The following RSRC1 variants were observed in gnomAD, a reference collection of about 807,000 sequenced individuals.
RSRC1 encodes the protein arginine and serine rich coiled-coil 1.
In RSRC1, 39 loss-of-function variants were observed where a neutral mutation model predicts 49.1. That is an observed-to-expected ratio of 0.79 (90% confidence interval 0.61 to 1.04). The LOEUF is 1.04. Ranked by LOEUF, RSRC1 falls within the 50% of genes least tolerant of loss-of-function variation. RSRC1 has a pLI of 0.00. For synonymous variants in RSRC1, 143 were observed against 130.8 expected, an observed-to-expected ratio of 1.09 and a Z score of -0.63; for missense variants, 388 against 402.4, an observed-to-expected ratio of 0.96 and a Z score of 0.31.
intron 4 of RSRC1, among the ~76,000 whole-genome samples, chr3:158,285,075 G>A (rs1460763294): frequency 6.6e-6 from 1 of 152,130 alleles, no homozygotes; most frequent in Non-Finnish European, 1.5e-5. Flanking sequence ...TTCGTATAAG[G>A]TGTAAGGAAG....
At chr3:158,347,166 ACTCT>A (rs1047603419) in intron 5 of RSRC1, among the ~76,000 whole-genome samples, 5 of 151,996 alleles carry the variant, frequency 3.3e-5, no homozygotes, top group African/African-American at 1.2e-4. Context: ...TGTTATTTTG[ACTCT>A]CTCTCTCTGA....
At chr3:158,426,459 C>T (rs1313606488) in intron 6 of RSRC1, among the ~76,000 whole-genome samples, 1 of 151,396 alleles carries the variant, frequency 6.6e-6, no homozygotes, top group African/African-American at 2.4e-5. Flanking sequence ...AGGAGATACA[C>T]AGCCTCTTTG....
chr3:158,354,172 G>A (rs56106526), intron 5 of RSRC1, among the ~76,000 whole-genome samples: 11,111 of 151,782 alleles, frequency 0.073, 477 homozygotes, highest in South Asian at 0.13. Context: ...TGTATTTTTA[G>A]TAGAGATGGG....
At chr3:158,473,420 A>G (rs1238581574) in intron 7 of RSRC1, among the ~76,000 whole-genome samples, 2 of 152,124 alleles carry the variant, frequency 1.3e-5, no homozygotes, top group Admixed American at 1.3e-4. Flanking sequence ...AGGACAAAAA[A>G]CCAAACACTG....
At chr3:158,288,597 C>T (rs1465959570) in intron 4 of RSRC1, among the ~76,000 whole-genome samples, 2 of 152,230 alleles carry the variant, frequency 1.3e-5, no homozygotes, top group East Asian at 1.9e-4. Context: ...ACCATCTTCC[C>T]CCGGTATCTG....
chr3:158,197,678 T>G (rs1720722250), intron 3 of RSRC1, among the ~76,000 whole-genome samples: 1 of 152,214 alleles, frequency 6.6e-6, no homozygotes, highest in African/African-American at 2.4e-5. Context: ...TCCCAGAGAT[T>G]CTGGTATATT....
intron 4 of RSRC1, among the ~76,000 whole-genome samples, chr3:158,281,328 C>CT (rs151165233): frequency 0.1 from 14,356 of 140,952 alleles, 758 homozygotes; most frequent in South Asian, 0.15. Flanking sequence ...TGAGCATAAG[C>CT]TTTTTTTTTT....
intron 7 of RSRC1, among the ~76,000 whole-genome samples, chr3:158,489,727 TA>T (rs1373156429): frequency 3.9e-5 from 6 of 152,070 alleles, no homozygotes; most frequent in African/African-American, 9.6e-5. Context: ...CAGTCATCCT[TA>T]AAAAAAATTA....
intron 6 of RSRC1, among the ~76,000 whole-genome samples, chr3:158,423,249 T>G (rs1735184395): frequency 6.6e-6 from 1 of 152,190 alleles, no homozygotes; most frequent in Non-Finnish European, 1.5e-5. Flanking sequence ...GAATTGATTT[T>G]TGTATAAGGT....
intron 7 of RSRC1, among the ~76,000 whole-genome samples, chr3:158,484,351 A>G (rs1738734642): frequency 6.6e-6 from 1 of 152,142 alleles, no homozygotes; most frequent in African/African-American, 2.4e-5. Context: ...AGTGAAGCCC[A>G]TGTGGGCAGA....
chr3:158,254,313 T>G (rs1054819610), intron 4 of RSRC1, among the ~76,000 whole-genome samples: 1 of 152,268 alleles, frequency 6.6e-6, no homozygotes, highest in Non-Finnish European at 1.5e-5. Context: ...ATGGCATTTC[T>G]GGTTCTAGAT....
chr3:158,247,641 TCTG>T (rs1186595423), intron 4 of RSRC1, among the ~76,000 whole-genome samples: 14 of 152,206 alleles, frequency 9.2e-5, no homozygotes, highest in Non-Finnish European at 1.9e-4. Flanking sequence ...TAGCCTCTCT[TCTG>T]TAGGGCTGCT....
chr3:158,518,120 G>A (rs1656357), intron 7 of RSRC1, among the ~76,000 whole-genome samples: 4,094 of 65,242 alleles, frequency 0.063, 295 homozygotes, highest in African/African-American at 0.17. Flanking sequence ...GTGTGTGTGT[G>A]TGTGTGTATA....
intron 2 of RSRC1, 51 bp from the exon 3 acceptor site, chr3:158,123,815 C>T (rs1715440139): frequency 6.5e-7 from 1 of 1,540,082 alleles, no homozygotes; most frequent in Non-Finnish European, 8.8e-7. Flanking sequence ...TTCCTTAATG[C>T]TCATAATAAA....
At chr3:158,116,559 G>T (rs1714835145) in intron 1 of RSRC1, among the ~76,000 whole-genome samples, 1 of 151,956 alleles carries the variant, frequency 6.6e-6, no homozygotes, top group African/African-American at 2.4e-5. Flanking sequence ...TGACTGTATG[G>T]CAGTGAGGGA....
chr3:158,133,809 A>G (rs1716189349), intron 3 of RSRC1, among the ~76,000 whole-genome samples: 1 of 152,232 alleles, frequency 6.6e-6, no homozygotes, highest in African/African-American at 2.4e-5. Context: ...GGGGAATAGA[A>G]TGGAATACTT....
chr3:158,185,634 G>A (rs73164102), intron 3 of RSRC1, among the ~76,000 whole-genome samples: 33,070 of 151,714 alleles, frequency 0.22, 4,193 homozygotes, highest in Non-Finnish European at 0.29. Context: ...AGACTTATGA[G>A]TGTCCATGAA....
intron 3 of RSRC1, among the ~76,000 whole-genome samples, chr3:158,153,007 C>G (rs1717642529): frequency 6.6e-6 from 1 of 152,158 alleles, no homozygotes; most frequent in Non-Finnish European, 1.5e-5. Context: ...TATCTAGGAA[C>G]TAAATGCTCT....
intron 5 of RSRC1, among the ~76,000 whole-genome samples, chr3:158,306,372 A>G (rs900389487): frequency 1.6e-4 from 25 of 151,976 alleles, no homozygotes; most frequent in Non-Finnish European, 2.7e-4. Flanking sequence ...CAATATGTAT[A>G]CACACACGTG....
Sources: gnomAD v4.1 joint callset for allele counts (sites outside exome capture counted in the v4.1 genomes callset) on GRCh38, gnomAD v4.1.1 for gene constraint, MANE v1.5 for transcripts, NCBI Gene and HGNC (gene_info 2026-07-23, HGNC 2026-07-21) for gene names.